Variants in NRXN3 observed in about 807,000 individuals in gnomAD.
The protein encoded by NRXN3 is neurexin III.
In NRXN3, 32 loss-of-function variants were observed where a neutral mutation model predicts 137.6. The ratio of observed to expected loss-of-function variants is 0.23; its 90% confidence interval spans 0.18 to 0.31. The LOEUF (loss-of-function observed/expected upper bound fraction) is 0.31, where lower values mean the gene tolerates loss of function less well. Among genes scored for constraint, NRXN3 ranks in the 10% least tolerant of loss-of-function variants. NRXN3 has a pLI of 1.00. For synonymous variants in NRXN3, 798 were observed against 784.5 expected, an observed-to-expected ratio of 1.02 and a Z score of -0.29; for missense variants, 1,574 against 2,062.5, an observed-to-expected ratio of 0.76 and a Z score of 4.59.
At chr14:78,501,597 G>A (rs977250201) in intron 4 of NRXN3, among the ~76,000 whole-genome samples, 1 of 152,144 alleles carries the variant, frequency 6.6e-6, no homozygotes, top group Non-Finnish European at 1.5e-5. Context: ...TTATACTTGG[G>A]CACAAATACT....
chr14:79,690,717 A>G (rs192741864), intron 17 of NRXN3, among the ~76,000 whole-genome samples: 111 of 152,100 alleles, frequency 7.3e-4, no homozygotes, highest in Non-Finnish European at 7.4e-5. Flanking sequence ...CCCGTTTCCT[A>G]TCCTATACCC....
At chr14:79,035,273 G>A (rs2099614193) in intron 15 of NRXN3, among the ~76,000 whole-genome samples, 1 of 152,054 alleles carries the variant, frequency 6.6e-6, no homozygotes, top group Non-Finnish European at 1.5e-5. Context: ...TAAGAATGAA[G>A]ATATTAAGAT....
chr14:79,512,657 C>T (rs1049945875), intron 16 of NRXN3, among the ~76,000 whole-genome samples: 1 of 152,124 alleles, frequency 6.6e-6, no homozygotes. Context: ...ACAAACAAGG[C>T]TAGTCCACAA....
At chr14:79,073,392 T>C (rs756181231) in intron 15 of NRXN3, among the ~76,000 whole-genome samples, 21 of 152,272 alleles carry the variant, frequency 1.4e-4, no homozygotes, top group Non-Finnish European at 2.4e-4. Context: ...TGCTCCAGAT[T>C]AGTATCTTAA....
At chr14:79,316,654 A>G (rs992618153) in intron 15 of NRXN3, among the ~76,000 whole-genome samples, 4 of 151,776 alleles carry the variant, frequency 2.6e-5, no homozygotes, top group Non-Finnish European at 4.4e-5. Context: ...TGATAATTTT[A>G]CCATGCAGAC....
At chr14:78,557,791 T>C (rs1045290525) in intron 4 of NRXN3, among the ~76,000 whole-genome samples, 1 of 152,210 alleles carries the variant, frequency 6.6e-6, no homozygotes, top group Non-Finnish European at 1.5e-5. Context: ...ACACTCCAGA[T>C]ACTTGTTAAG....
chr14:79,144,266 T>G (rs551879124), intron 15 of NRXN3, among the ~76,000 whole-genome samples: 74 of 152,258 alleles, frequency 4.9e-4, no homozygotes, highest in African/African-American at 1.7e-3. Flanking sequence ...CTGGCCAAAT[T>G]CACACATTTA....
intron 20 of NRXN3, among the ~76,000 whole-genome samples, chr14:79,851,142 A>T (rs964961706): frequency 6.6e-6 from 1 of 152,150 alleles, no homozygotes; most frequent in Non-Finnish European, 1.5e-5. Context: ...ATCCAGGAGA[A>T]TGTGTGTATT....
chr14:78,533,462 T>C (rs1390011097), intron 4 of NRXN3, among the ~76,000 whole-genome samples: 1 of 152,168 alleles, frequency 6.6e-6, no homozygotes. Context: ...ACCTTCCTAT[T>C]TCCTGTGGGG....
At chr14:78,783,208 G>C (rs777387182) in intron 8 of NRXN3, among the ~76,000 whole-genome samples, 1 of 152,148 alleles carries the variant, frequency 6.6e-6, no homozygotes. Context: ...CAAGGCATGG[G>C]AATATCATGA....
intron 4 of NRXN3, among the ~76,000 whole-genome samples, chr14:78,641,575 A>T (rs540545840): frequency 3.8e-4 from 58 of 152,360 alleles, no homozygotes; most frequent in Non-Finnish European, 3.2e-4. Context: ...ACATTTGCTT[A>T]TGTAGGATAC....
At chr14:79,103,468 G>A (rs2202182) in intron 15 of NRXN3, among the ~76,000 whole-genome samples, 15,676 of 152,090 alleles carry the variant, frequency 0.1, 2,571 homozygotes, top group African/African-American at 0.35. Context: ...TAATGAGTTC[G>A]TTTTTAGCTT....
chr14:78,311,488 A>G (rs4903747), intron 4 of NRXN3, among the ~76,000 whole-genome samples: 5,082 of 152,274 alleles, frequency 0.033, 135 homozygotes, highest in Non-Finnish European at 0.045. Context: ...TTTGAATGCA[A>G]TCCAACACAA....
At chr14:78,284,368 T>C (rs1443343839) in intron 3 of NRXN3, among the ~76,000 whole-genome samples, 1 of 152,166 alleles carries the variant, frequency 6.6e-6, no homozygotes, top group East Asian at 1.9e-4. Flanking sequence ...ACCAATGTAC[T>C]TCTTACATAC....
At chr14:79,794,849 G>A (rs1019921030) in intron 19 of NRXN3, among the ~76,000 whole-genome samples, 2 of 152,214 alleles carry the variant, frequency 1.3e-5, no homozygotes, top group Admixed American at 6.5e-5. Context: ...AACACTATAT[G>A]AGGATGAGCA....
intron 4 of NRXN3, among the ~76,000 whole-genome samples, chr14:78,314,930 TCTTTCTTTCTTTCTTC>T (rs1427510778): frequency 3.5e-5 from 4 of 113,056 alleles, no homozygotes; most frequent in East Asian, 3.1e-4. Flanking sequence ...TTTCTTTCTT[TCTTTCTTTCTTTCTTC>T]CTTCCTTCCT....
chr14:78,452,406 T>G (rs2153707236), intron 4 of NRXN3, among the ~76,000 whole-genome samples: 1 of 152,350 alleles, frequency 6.6e-6, no homozygotes, highest in Admixed American at 6.5e-5. Context: ...CCATTAAACA[T>G]CTGAGAAAAT....
At chr14:79,772,292 G>A (rs1180249816) in intron 19 of NRXN3, among the ~76,000 whole-genome samples, 13 of 151,792 alleles carry the variant, frequency 8.6e-5, no homozygotes, top group Admixed American at 2.0e-4. Flanking sequence ...AGTTCATATG[G>A]AACCAAAAAA....
chr14:79,737,662 C>G (rs1441835875), intron 19 of NRXN3, among the ~76,000 whole-genome samples: 1 of 152,092 alleles, frequency 6.6e-6, no homozygotes, highest in Non-Finnish European at 1.5e-5. Flanking sequence ...AATTAATTAT[C>G]TGAAGCTTGG....
Sources: gnomAD v4.1 joint callset for allele counts (sites outside exome capture counted in the v4.1 genomes callset) on GRCh38, gnomAD v4.1.1 for gene constraint, MANE v1.5 for transcripts, NCBI Gene and HGNC (gene_info 2026-07-23, HGNC 2026-07-21) for gene names.